The following KCNN2 variants were observed in gnomAD, a reference collection of about 807,000 sequenced individuals.
KCNN2 encodes small conductance calcium-activated potassium channel protein 2.
A neutral mutation model predicts 55.5 loss-of-function variants in KCNN2; 24 were observed. The observed-to-expected ratio is 0.43, with a 90% CI of 0.31 to 0.61. The LOEUF (loss-of-function observed/expected upper bound fraction) is 0.61. Ranked by LOEUF, KCNN2 falls within the 20% of genes least tolerant of loss-of-function variation. The pLI is 0.08. For synonymous variants in KCNN2, 431 were observed against 336.1 expected (o/e 1.28, Z -3.09); for missense variants, 754 against 853.6 (o/e 0.88, Z 1.45).
chr5:114,452,206 T>C (rs1160086205), intron 3 of KCNN2, among the ~76,000 whole-genome samples: 1 of 152,196 alleles, frequency 6.6e-6, no homozygotes. Flanking sequence ...ACTACAGCAT[T>C]TATACTTTAG....
intron 2 of KCNN2, among the ~76,000 whole-genome samples, chr5:114,302,971 G>T (rs1756198232): frequency 6.6e-6 from 1 of 152,190 alleles, no homozygotes; most frequent in Non-Finnish European, 1.5e-5. Flanking sequence ...CCATAGACAG[G>T]AATATGCAGG....
chr5:114,218,903 G>T (rs1444773629), intron 1 of KCNN2, among the ~76,000 whole-genome samples: 7 of 152,154 alleles, frequency 4.6e-5, no homozygotes, highest in Non-Finnish European at 8.8e-5. Context: ...TTGTGGCATG[G>T]TACCTTGTTC....
chr5:114,293,138 C>A (rs1404813057), intron 2 of KCNN2, among the ~76,000 whole-genome samples: 1 of 152,150 alleles, frequency 6.6e-6, no homozygotes, highest in African/African-American at 2.4e-5. Flanking sequence ...CATCTGCAAA[C>A]AGGGACAATT....
In KCNN2 at chr5:114,068,887, C is replaced by G. The variant is rs545414702; in HGVS notation, c.-271+12387C>G. Reference sequence around the variant, plus strand: ...GGAGTGCAGTGGTGGGATCTCAGCTCACTGGAACCTCCACCATCCAGATTC... The same window carrying G: ...GGAGTGCAGTGGTGGGATCTCAGCTGACTGGAACCTCCACCATCCAGATTC... On this transcript the variant is annotated intron_variant, in intron 1 of 10. Coordinates refer to the KCNN2 transcript ENST00000512097. 5.3e-5 allele frequency among the ~76,000 whole-genome samples: 8 copies of G among 152,100 alleles called. No homozygotes were observed. In the East Asian group the frequency reaches 9.7e-4, roughly 18 times the overall value.
upstream of KCNN2, among the ~76,000 whole-genome samples, chr5:114,357,918 A>G (rs1172042704): frequency 6.6e-6 from 1 of 150,950 alleles, no homozygotes; most frequent in Non-Finnish European, 1.5e-5. Context: ...TCCCACCAAC[A>G]GTGTAAAAGT....
At chr5:114,361,927 G>A (rs1757433469), upstream of KCNN2, 1 of 153,314 alleles carries the variant, frequency 6.5e-6, no homozygotes, top group African/African-American at 2.4e-5. Flanking sequence ...GCTTCCCTAA[G>A]CCGCGCGCGC....
At chr5:114,291,731 G>A (rs1755893256) in intron 2 of KCNN2, among the ~76,000 whole-genome samples, 1 of 152,160 alleles carries the variant, frequency 6.6e-6, no homozygotes. Context: ...AGGTCAAATG[G>A]TATTTCTAGT....
intron 1 of KCNN2, among the ~76,000 whole-genome samples, chr5:114,164,611 T>C (rs1752868775): frequency 1.3e-5 from 2 of 152,062 alleles, no homozygotes; most frequent in African/African-American, 4.8e-5. Context: ...AAAAATCAAA[T>C]ACAACACATC....
chr5:114,158,166 G>T (rs951751128), intron 1 of KCNN2, among the ~76,000 whole-genome samples: 1 of 152,008 alleles, frequency 6.6e-6, no homozygotes. Context: ...AATCCATCTT[G>T]AATTAATTTT....
intron 1 of KCNN2, among the ~76,000 whole-genome samples, chr5:114,191,196 A>T (rs948708237): frequency 1.7e-4 from 26 of 152,184 alleles, no homozygotes; most frequent in African/African-American, 6.3e-4. Flanking sequence ...TAAAGTTTTC[A>T]TAAGCTTTTG....
intron 1 of KCNN2, among the ~76,000 whole-genome samples, chr5:114,076,653 C>A (rs1202392526): frequency 6.6e-6 from 1 of 152,072 alleles, no homozygotes; most frequent in Non-Finnish European, 1.5e-5. Flanking sequence ...TAAGATTTTC[C>A]AAAAGAAGAA....
rs867973583 is a variant in KCNN2, at chr5:114,405,716, G to T, written c.1637+860G>T. Among the ~76,000 whole-genome samples, 38 of 145,166 alleles carry T rather than the reference G, an allele frequency of 2.6e-4. No homozygotes were observed. The South Asian group carries it at 3.7e-3, about 14-fold the overall frequency. On this transcript the variant is annotated intron_variant, in intron 3 of 7. Coordinates refer to ENST00000673685, the MANE Select transcript of KCNN2 (RefSeq NM_021614.4). ...AGTTTTTTTTGTTTTGTTTTGTTTTGTTTTTTTTTTTTGAGACGGAGTCTC... is the reference window on the plus strand; with the variant it reads ...AGTTTTTTTTGTTTTGTTTTGTTTTTTTTTTTTTTTTTGAGACGGAGTCTC...
intron 1 of KCNN2, among the ~76,000 whole-genome samples, chr5:114,202,588 T>A (rs866050370): frequency 0.041 from 5,459 of 133,270 alleles, 250 homozygotes; most frequent in African/African-American, 0.13. Context: ...TATATATATT[T>A]TTTTTTTTTT....
intron 2 of KCNN2, among the ~76,000 whole-genome samples, chr5:114,226,526 A>G (rs1754239854): frequency 6.6e-6 from 1 of 152,152 alleles, no homozygotes. Context: ...ATAATGTTTT[A>G]TAGTAGCTGT....
chr5:114,165,731 C>A (rs1195154864), intron 1 of KCNN2, among the ~76,000 whole-genome samples: 2 of 152,042 alleles, frequency 1.3e-5, no homozygotes, highest in East Asian at 3.9e-4. Flanking sequence ...TTTTCTCTAG[C>A]TTACTTTAGT....
intron 2 of KCNN2, among the ~76,000 whole-genome samples, chr5:114,304,353 T>G (rs1406068138): frequency 6.6e-6 from 1 of 152,176 alleles, no homozygotes; most frequent in Non-Finnish European, 1.5e-5. Context: ...ATCATGCAAC[T>G]TCTTTAGGCC....
intron 4 of KCNN2, among the ~76,000 whole-genome samples, chr5:114,468,505 A>G (rs1761558458): frequency 1.3e-5 from 2 of 152,114 alleles, no homozygotes; most frequent in African/African-American, 4.8e-5. Flanking sequence ...TTTTTTTTCA[A>G]GTTAACTATT....
intron 2 of KCNN2, among the ~76,000 whole-genome samples, chr5:114,221,816 T>G (rs144798455): frequency 1.4e-3 from 210 of 152,344 alleles, no homozygotes; most frequent in African/African-American, 4.7e-3. Context: ...AAATGTATTT[T>G]CATTTGAATT....
At chr5:114,352,154 G>A (rs921418653) in intron 2 of KCNN2, among the ~76,000 whole-genome samples, 1 of 151,636 alleles carries the variant, frequency 6.6e-6, no homozygotes, top group Non-Finnish European at 1.5e-5. Flanking sequence ...GTCAGTTTTT[G>A]TATTTTCTAG....
Sources: allele counts gnomAD v4.1 joint callset (sites outside exome capture counted in the v4.1 genomes callset), GRCh38; gene constraint gnomAD v4.1.1; transcripts MANE v1.5; gene names NCBI Gene and HGNC (gene_info 2026-07-23, HGNC 2026-07-21).